Variants in RUNX1 observed in about 807,000 individuals in gnomAD.
RUNX1 encodes runt-related transcription factor 1.
Under a neutral mutation model 42.8 loss-of-function variants are expected in RUNX1, and 19 were observed. The ratio of observed to expected loss-of-function variants is 0.44; its 90% CI spans 0.31 to 0.65. The LOEUF is 0.65. Among genes scored for constraint, RUNX1 ranks in the 30% least tolerant of loss-of-function variants. The pLI is 0.07. For missense variants in RUNX1, 528 were observed against 672.0 expected (o/e 0.79, Z 2.37); for synonymous variants, 271 against 289.4 (o/e 0.94, Z 0.64).
At chr21:35,029,734 T>G (rs1207055878) in intron 2 of RUNX1, among the ~76,000 whole-genome samples, 1 of 152,208 alleles carries the variant, frequency 6.6e-6, no homozygotes, top group African/African-American at 2.4e-5. Context: ...TTCTTCCGTC[T>G]TGGGCTTCTG....
At chr21:34,989,577 C>T (rs534350269) in intron 2 of RUNX1, among the ~76,000 whole-genome samples, 19 of 152,192 alleles carry the variant, frequency 1.2e-4, no homozygotes, top group African/African-American at 4.3e-4. Context: ...AAAGCAGTTT[C>T]TCTCCTCCTA....
intron 2 of RUNX1, among the ~76,000 whole-genome samples, chr21:34,980,816 G>A (rs2058841159): frequency 6.6e-6 from 1 of 152,142 alleles, no homozygotes. Flanking sequence ...AACTTACATG[G>A]AAAAATGGAC....
intron 2 of RUNX1, 92 bp from the exon 3 acceptor site, chr21:34,893,055 T>G: frequency 1.3e-6 from 1 of 786,410 alleles, no homozygotes; most frequent in South Asian, 1.5e-5. Flanking sequence ...TCATTTCTTC[T>G]TACACTTTTT....
intron 2 of RUNX1, among the ~76,000 whole-genome samples, chr21:34,974,484 G>A (rs748735368): frequency 1.4e-4 from 21 of 151,928 alleles, no homozygotes; most frequent in Admixed American, 5.2e-4. Context: ...CTTGAAGCCG[G>A]AGAGAGCTCA....
At chr21:34,891,208 CGA>C in intron 3 of RUNX1, among the ~76,000 whole-genome samples, 1 of 152,308 alleles carries the variant, frequency 6.6e-6, no homozygotes, top group East Asian at 1.9e-4. Context: ...TTGCATGCAC[CGA>C]GTTTAGCCGT....
At position 34,920,397 on chromosome 21, in the gene RUNX1, G is replaced by A. The variant is rs184586894; in HGVS notation, c.59-27434C>T. ...AGAATGAAAATGCTTGTGGATTTTG[G>A]TACTACCTACTGGGGGCAGCTTCCA... is the stretch of plus-strand genomic sequence containing the variant. On this transcript the variant is annotated intron_variant, in intron 2 of 8. Transcript: ENST00000675419. Among the ~76,000 whole-genome samples, 17 of 152,204 alleles carry A rather than the reference G, an allele frequency of 1.1e-4. No individual in the cohort carries two copies. The East Asian group carries it at 3.1e-3, about 28-fold the overall frequency.
chr21:34,898,632 T>A (rs1163754576), intron 2 of RUNX1, among the ~76,000 whole-genome samples: 1 of 152,194 alleles, frequency 6.6e-6, no homozygotes, highest in Non-Finnish European at 1.5e-5. Context: ...ATAATTGTCT[T>A]CATCTCTCTA....
At chr21:34,912,005 TA>T (rs1240077171) in intron 2 of RUNX1, among the ~76,000 whole-genome samples, 1 of 151,940 alleles carries the variant, frequency 6.6e-6, no homozygotes, top group African/African-American at 2.4e-5. Context: ...GCATTTGTCT[TA>T]TTTGATTTCT....
At chr21:34,961,379 A>G (rs1204137435) in intron 2 of RUNX1, among the ~76,000 whole-genome samples, 6 of 146,552 alleles carry the variant, frequency 4.1e-5, no homozygotes, top group Admixed American at 6.6e-5. Flanking sequence ...TAATAATGAT[A>G]ATAATAATAA....
intron 2 of RUNX1, among the ~76,000 whole-genome samples, chr21:34,910,037 G>A (rs1405399050): frequency 6.6e-6 from 1 of 152,352 alleles, no homozygotes; most frequent in East Asian, 1.9e-4. Flanking sequence ...CTTGGCCACT[G>A]AAAGAAGCCA....
At chr21:35,040,926 G>C (rs1409465171) in intron 2 of RUNX1, among the ~76,000 whole-genome samples, 1 of 151,912 alleles carries the variant, frequency 6.6e-6, no homozygotes, top group Non-Finnish European at 1.5e-5. Context: ...AGATTTTCTG[G>C]GTCTTTCTTT....
At chr21:34,943,841 C>T (rs2058545574) in intron 2 of RUNX1, among the ~76,000 whole-genome samples, 1 of 152,084 alleles carries the variant, frequency 6.6e-6, no homozygotes, top group Non-Finnish European at 1.5e-5. Flanking sequence ...TTTATGCTCG[C>T]CTGACAGAGA....
In RUNX1 at chr21:35,000,244, T is replaced by C. The variant is rs1170735153; in HGVS notation, c.58+48598A>G. Among the ~76,000 whole-genome samples the C allele has an allele frequency of 5.5e-5, 8 of 144,586 alleles. 1 individual carries two copies. Among genetic ancestry groups the C allele is most frequent in the Admixed American group, 4.8e-4 (7 of 14,602 alleles). The allele number at this position is 144,586 out of a possible 152,430, so 94.9% of individuals were successfully genotyped here. A position where few individuals can be genotyped will look rare whatever the true frequency, so the allele number is the denominator to read the frequency against. On this transcript the variant is annotated intron_variant, in intron 2 of 8. Transcript: ENST00000675419. ...TATAATTTTCTTTCTTTCTTTTTTT[T>C]TTTTTTTTTTTTTTGAGACAGAGTC... is the stretch of plus-strand genomic sequence containing the variant.
At position 34,929,596 on chromosome 21, in the gene RUNX1, T is replaced by G. The variant is rs73900585; in HGVS notation, c.59-36633A>C. Among the ~76,000 whole-genome samples the G allele has an allele frequency of 6.6e-3, 1,006 of 152,318 alleles. 7 individuals carry two copies. Among genetic ancestry groups the G allele is most frequent in the African/African-American group, 0.023 (947 of 41,566 alleles). On this transcript the variant is annotated intron_variant, in intron 2 of 8. Coordinates refer to ENST00000675419, the MANE Select transcript of RUNX1 (RefSeq NM_001754.5). ...ACCTTTTGGCTGAACAACATGACAC[T>G]GGAGACTGGCACTGGTTTTGAATAA...
chr21:35,036,902 G>C (rs2059312526), intron 2 of RUNX1, among the ~76,000 whole-genome samples: 1 of 152,168 alleles, frequency 6.6e-6, no homozygotes, highest in African/African-American at 2.4e-5. Context: ...GGTCAGTCAG[G>C]GTTGGGGTGG....
chr21:34,880,764 A>T (rs2146365159), intron 4 of RUNX1, 51 bp from the exon 5 acceptor site: 1 of 1,569,314 alleles, frequency 6.4e-7, no homozygotes, highest in East Asian at 2.2e-5. Flanking sequence ...TTATACATAC[A>T]CTTTTAGGGC....
intron 2 of RUNX1, among the ~76,000 whole-genome samples, chr21:34,992,621 T>C (rs1601645557): frequency 7.7e-6 from 1 of 130,546 alleles, no homozygotes; most frequent in African/African-American, 3.0e-5. Context: ...AAAGAAAAAC[T>C]CCCCTCTCAA....
intron 2 of RUNX1, among the ~76,000 whole-genome samples, chr21:34,914,831 C>G (rs1485367351): frequency 6.6e-6 from 1 of 152,216 alleles, no homozygotes; most frequent in Non-Finnish European, 1.5e-5. Context: ...TGTCCCACTT[C>G]TTTTTGCCTG....
intron 4 of RUNX1, among the ~76,000 whole-genome samples, chr21:34,886,640 C>T (rs1289551529): frequency 6.6e-6 from 1 of 152,230 alleles, no homozygotes; most frequent in Non-Finnish European, 1.5e-5. Context: ...TGGGAGGCCG[C>T]CCCAGAAAGC....
Sources: allele counts gnomAD v4.1 joint callset (sites outside exome capture counted in the v4.1 genomes callset), GRCh38; gene constraint gnomAD v4.1.1; transcripts MANE v1.5; gene names NCBI Gene and HGNC (gene_info 2026-07-23, HGNC 2026-07-21).